The following ATG7 variants were observed in gnomAD, a reference collection of about 807,000 sequenced individuals.
ATG7 encodes the protein autophagy related 7, also known as ubiquitin-like modifier-activating enzyme ATG7.
In ATG7, 70 loss-of-function variants were observed where a neutral mutation model predicts 82.4. The ratio of observed to expected loss-of-function variants is 0.85; its 90% CI spans 0.70 to 1.04. ATG7 has a LOEUF of 1.04. Among genes scored for constraint, ATG7 ranks in the 50% least tolerant of loss-of-function variants. The pLI, the probability that ATG7 is intolerant of heterozygous loss-of-function variation, is 0.00. For missense variants in ATG7, 792 were observed against 864.3 expected (o/e 0.92, Z 1.05); for synonymous variants, 287 against 313.0 (o/e 0.92, Z 0.88).
intron 20 of ATG7, among the ~76,000 whole-genome samples, chr3:11,432,943 C>T (rs931113026): frequency 6.6e-6 from 1 of 152,094 alleles, no homozygotes; most frequent in Admixed American, 6.6e-5. Context: ...AGCTGATGAA[C>T]CACAGGGTGT....
At chr3:11,293,965 C>T (rs1425571652) in intron 3 of ATG7, among the ~76,000 whole-genome samples, 2 of 147,808 alleles carry the variant, frequency 1.4e-5, no homozygotes, top group Non-Finnish European at 3.0e-5. Context: ...TTGCTGTGAG[C>T]TGAAATTGCA....
chr3:11,554,832 G>T lies in ATG7; in HGVS notation c.2101G>T (p.Glu701Ter). The change falls in exon 21 of 21, where the codon GAG (glutamate) becomes TAG (stop). Residue 701 changes from glutamate to a stop codon, truncating the protein, a stop_gained. Transcript: ENST00000693202. LOFTEE classifies it high-confidence loss of function. ...GCAGATCTGGGACATGAGCGATGAT[G>T]AGACCATCTGAGATGGCCCCGCTGT... ...AAEIWDMSDD[E>*]TI 6.2e-7 allele frequency: 1 copy of T among 1,612,930 alleles called. No individual in the cohort carries two copies. Among genetic ancestry groups the T allele is most frequent in the Non-Finnish European group, 8.5e-7 (1 of 1,179,630 alleles).
intron 20 of ATG7, among the ~76,000 whole-genome samples, chr3:11,519,358 C>T (rs113961637): frequency 3.1e-4 from 47 of 151,896 alleles, no homozygotes; most frequent in Admixed American, 5.9e-4. Flanking sequence ...GTTTCCTTGA[C>T]GCAGTATTTC....
At chr3:11,484,220 C>T (rs1249154143) in intron 20 of ATG7, among the ~76,000 whole-genome samples, 1 of 152,088 alleles carries the variant, frequency 6.6e-6, no homozygotes, top group African/African-American at 2.4e-5. Flanking sequence ...ACAGTAGAAC[C>T]CCGTGTCTAC....
At chr3:11,480,277 G>A (rs187468779) in intron 20 of ATG7, among the ~76,000 whole-genome samples, 1 of 152,096 alleles carries the variant, frequency 6.6e-6, no homozygotes, top group Non-Finnish European at 1.5e-5. Context: ...GCTTATGCCT[G>A]TAATGCCAGC....
chr3:11,574,751 T>C, the ATG7 span, among the ~76,000 whole-genome samples: 5 of 151,490 alleles, frequency 3.3e-5, no homozygotes, highest in Admixed American at 6.6e-5. Context: ...ATGTACCCCA[T>C]GAATATGTAC....
At chr3:11,341,276 G>T (rs1040735493) in intron 12 of ATG7, among the ~76,000 whole-genome samples, 1 of 151,936 alleles carries the variant, frequency 6.6e-6, no homozygotes, top group Non-Finnish European at 1.5e-5. Flanking sequence ...TGCCCAGGCT[G>T]GACTCGAACT....
the ATG7 span, chr3:11,568,974 AAG>A: frequency 1.7e-6 from 2 of 1,162,038 alleles, no homozygotes; most frequent in African/African-American, 1.6e-5. The surrounding 1 kb of genome is among the most constrained non-coding windows in gnomAD (Gnocchi z 5.9). Flanking sequence ...GAGGGAGGGA[AAG>A]AGAGGCCTAC....
Position 11,440,510 on chromosome 3 carries a change from G to C in ATG7, c.2079+13584G>C, listed in dbSNP as rs2083809474. On this transcript the variant is annotated intron_variant, in intron 20 of 20. Coordinates refer to ENST00000693202, the MANE Select transcript of ATG7 (RefSeq NM_001349232.2). The stretch of plus-strand genomic sequence containing the variant: ...CGGCTAATTTTTTGTATTTTTAGTA[G>C]AGACGGGGTTTCACCGTTTTAGCCG... Among the ~76,000 whole-genome samples, 3 of 148,342 alleles carry C rather than the reference G, an allele frequency of 2.0e-5. No individual in the cohort carries two copies. In the Admixed American group the frequency reaches 2.0e-4, roughly 10 times the overall value.
At position 11,313,288 on chromosome 3, in the gene ATG7, A is replaced by G. The variant is rs377056082; in HGVS notation, c.412-16A>G. 2.6e-5 allele frequency: 39 copies of G among 1,525,082 alleles called. No homozygotes were observed. Among genetic ancestry groups the G allele is most frequent in the Non-Finnish European group, 3.5e-5 (39 of 1,107,310 alleles). The allele number at this position is 1,525,082 out of a possible 1,614,324, so 94.5% of individuals were successfully genotyped here. A position where few individuals can be genotyped will look rare whatever the true frequency, so the allele number is the denominator to read the frequency against. On this transcript the variant is annotated splice_polypyrimidine_tract_variant and intron_variant, in intron 7 of 20. Transcript: ENST00000693202. ...ATGGTGCTATTCTAATAACTTATTTATACTTTTTTTTCTAGGATCTAAAGA... is the reference window on the plus strand; with the variant it reads ...ATGGTGCTATTCTAATAACTTATTTGTACTTTTTTTTCTAGGATCTAAAGA...
intron 20 of ATG7, among the ~76,000 whole-genome samples, chr3:11,430,146 T>C (rs1266965254): frequency 6.6e-6 from 1 of 152,010 alleles, no homozygotes; most frequent in Non-Finnish European, 1.5e-5. Flanking sequence ...TAACCCGTCT[T>C]CAAAAAGGAT....
chr3:11,563,425 C>G, the ATG7 span, among the ~76,000 whole-genome samples: 1 of 152,260 alleles, frequency 6.6e-6, no homozygotes, highest in Non-Finnish European at 1.5e-5. Flanking sequence ...GTGGGTCGCA[C>G]TGCGCACACG....
rs557055293 is a variant in ATG7, at chr3:11,275,927, G to C, written c.-366+3497G>C. On this transcript the variant is annotated intron_variant, in intron 1 of 20. Transcript: ENST00000693202. ...AGCCTCTCTTTGAGTGTGTGGTACA[G>C]AAAGGAAATCCTCTTTCCTTGAGGA... Among the ~76,000 whole-genome samples, 4 of 152,274 alleles carry C rather than the reference G, an allele frequency of 2.6e-5. No homozygotes were observed. The South Asian group carries it at 6.2e-4, about 24-fold the overall frequency.
At chr3:11,514,344 G>A (rs548957807) in intron 20 of ATG7, among the ~76,000 whole-genome samples, 3 of 152,318 alleles carry the variant, frequency 2.0e-5, no homozygotes, top group South Asian at 4.1e-4. Flanking sequence ...GAAGATGGGC[G>A]TTTGCAATTC....
chr3:11,307,592 CT>C (rs1947962971), intron 6 of ATG7, among the ~76,000 whole-genome samples: 3 of 152,344 alleles, frequency 2.0e-5, no homozygotes, highest in Admixed American at 2.0e-4. Flanking sequence ...TTCTCTGAGT[CT>C]GTCATAGCAA....
At chr3:11,312,294 G>A (rs1948786733) in intron 7 of ATG7, among the ~76,000 whole-genome samples, 1 of 152,202 alleles carries the variant, frequency 6.6e-6, no homozygotes, top group African/African-American at 2.4e-5. Context: ...TCACAGGCTT[G>A]TAGGCAAGCT....
intron 20 of ATG7, among the ~76,000 whole-genome samples, chr3:11,524,125 A>G (rs1299973814): frequency 1.3e-5 from 2 of 152,246 alleles, no homozygotes; most frequent in African/African-American, 4.8e-5. Flanking sequence ...TCTCTGTTCC[A>G]TCAAAAGGAA....
the ATG7 span, among the ~76,000 whole-genome samples, chr3:11,566,568 A>T: frequency 6.2e-4 from 94 of 152,174 alleles, no homozygotes; most frequent in African/African-American, 2.2e-3. Flanking sequence ...CTCTGGCTTC[A>T]CGCCTCCAAA....
chr3:11,362,804 T>C lies in ATG7; in HGVS notation c.1684-9T>C. Reference sequence around the variant, plus strand: ...CGTTCTGCACACACCAATGATTGTTTCTTTGCAGTCAACCAGAGACCGGAC... The same window carrying C: ...CGTTCTGCACACACCAATGATTGTTCCTTTGCAGTCAACCAGAGACCGGAC... On this transcript the variant is annotated splice_polypyrimidine_tract_variant and intron_variant, in intron 16 of 20. Transcript: ENST00000693202. The C allele has an allele frequency of 6.2e-7, 1 of 1,613,258 alleles. No individual in the cohort carries two copies. Among genetic ancestry groups the C allele is most frequent in the Non-Finnish European group, 8.5e-7 (1 of 1,179,412 alleles).
Sources: allele counts gnomAD v4.1 joint callset (sites outside exome capture counted in the v4.1 genomes callset), GRCh38; gene constraint gnomAD v4.1.1; non-coding constraint Gnocchi (gnomAD v3.1); transcripts MANE v1.5; gene names NCBI Gene and HGNC (gene_info 2026-07-23, HGNC 2026-07-21).